Variants in VPS13B observed in about 807,000 individuals in gnomAD.
VPS13B encodes intermembrane lipid transfer protein VPS13B.
A neutral mutation model predicts 426.4 loss-of-function variants in VPS13B; 285 were observed. That is an observed-to-expected ratio of 0.67 (90% confidence interval 0.61 to 0.74). The LOEUF is 0.74. Among genes scored for constraint, VPS13B ranks in the 30% least tolerant of loss-of-function variants. The probability of loss-of-function intolerance (pLI) is 0.00; values close to 1 mark genes in which losing one functional copy is unlikely to be tolerated. For missense variants in VPS13B, 4,537 were observed against 4,782.6 expected (o/e 0.95, Z 1.51); for synonymous variants, 1,676 against 1,676.4 (o/e 1.00, Z 0.01).
At chr8:99,871,072 G>T (rs1588811302) in intron 60 of VPS13B, 185 bp downstream of exon 60, 2 of 677,208 alleles carry the variant, frequency 3.0e-6, no homozygotes, top group East Asian at 5.5e-5. Context: ...GCCAGGTTTG[G>T]GGCTGGCTGC....
At chr8:99,789,338 G>A (rs185203549) in intron 43 of VPS13B, among the ~76,000 whole-genome samples, 43 of 152,184 alleles carry the variant, frequency 2.8e-4, no homozygotes, top group African/African-American at 9.9e-4. Context: ...TTAAAAAGCC[G>A]ACTTGGGGGA....
At chr8:99,636,915 T>C (rs1281567183) in intron 33 of VPS13B, among the ~76,000 whole-genome samples, 2 of 152,062 alleles carry the variant, frequency 1.3e-5, no homozygotes, top group Admixed American at 1.3e-4. Flanking sequence ...TTTTTATGGC[T>C]TAATCATGAT....
chr8:99,386,959 A>G (rs1454178646), intron 20 of VPS13B, among the ~76,000 whole-genome samples: 1 of 152,144 alleles, frequency 6.6e-6, no homozygotes, highest in African/African-American at 2.4e-5. Flanking sequence ...AAAGGGCGAG[A>G]CCCCATCTCT....
chr8:99,429,383 A>C lies in VPS13B; in HGVS notation c.3083-2154A>C, dbSNP rs558814160. On this transcript the variant is annotated intron_variant, in intron 21 of 61. Coordinates refer to ENST00000357162, the MANE Select transcript of VPS13B (RefSeq NM_152564.5). The stretch of plus-strand genomic sequence containing the variant: ...TATTTCTTTGTTAGCAATGTTGAGC[A>C]TTTTAAAAATAAGTTACTAGCCAAA... Among the ~76,000 whole-genome samples the C allele has an allele frequency of 3.3e-5, 5 of 151,868 alleles. No individual in the cohort carries two copies. In the East Asian group the frequency reaches 9.7e-4, roughly 29 times the overall value.
In VPS13B at chr8:99,520,982, A is replaced by G; in HGVS notation, c.4717A>G (p.Arg1573Gly). Reference sequence around the variant, plus strand: ...TCCCCAGGCTGACAATCCCCTTGGCAGATCTGTCCTTAGGAAAGATATTTA... The same window carrying G: ...TCCCCAGGCTGACAATCCCCTTGGCGGATCTGTCCTTAGGAAAGATATTTA... The part of the protein sequence containing the change: ...MAPQADNPLG[R>G]SVLRKDIYQR... The change falls in exon 30 of 62, where the codon AGA becomes GGA. Residue 1573 changes from arginine (R) to glycine (G), a missense_variant. Around this residue, in one of 2 missense-constraint regions of VPS13B, gnomAD observed 4,311 missense variants for 4,474.3 expected, o/e 0.96. Coordinates refer to ENST00000357162, the MANE Select transcript of VPS13B (RefSeq NM_152564.5). 1 of 1,613,772 alleles carries G rather than the reference A, an allele frequency of 6.2e-7. No homozygotes were observed. Among genetic ancestry groups the G allele is most frequent in the Non-Finnish European group, 8.5e-7 (1 of 1,179,706 alleles).
chr8:99,817,628 G>C lies in VPS13B; in HGVS notation c.8186G>C (p.Gly2729Ala). 6.2e-7 allele frequency: 1 copy of C among 1,614,008 alleles called. No individual in the cohort carries two copies. Among genetic ancestry groups the C allele is most frequent in the Non-Finnish European group, 8.5e-7 (1 of 1,179,974 alleles). The part of the protein sequence containing the change: ...KVVQHYIGQD[G>A]QAVVREHFDC... ...GTTCAGCATTACATTGGTCAAGATG[G>C]ACAAGCTGTAGTTCGGGAACATTTT... Residue 2729 changes from glycine to alanine, a missense_variant, in exon 45 of 62, where the codon GGA becomes GCA. Around this residue, in one of 2 missense-constraint regions of VPS13B, gnomAD observed 4,311 missense variants for 4,474.3 expected, o/e 0.96. Transcript: ENST00000357162.
chr8:99,642,886 AGTTT>A, intron 34 of VPS13B, among the ~76,000 whole-genome samples: 1 of 152,234 alleles, frequency 6.6e-6, no homozygotes, highest in Admixed American at 6.6e-5. Context: ...TAGAAGATGA[AGTTT>A]GTTTTTGGTA....
At chr8:99,455,757 G>A (rs1818419949) in intron 23 of VPS13B, among the ~76,000 whole-genome samples, 1 of 152,136 alleles carries the variant, frequency 6.6e-6, no homozygotes, top group East Asian at 1.9e-4. Flanking sequence ...CTTTCACTTG[G>A]TGTAACATTT....
chr8:99,652,453 T>G (rs1334846230), intron 34 of VPS13B, among the ~76,000 whole-genome samples: 1 of 152,166 alleles, frequency 6.6e-6, no homozygotes, highest in African/African-American at 2.4e-5. Flanking sequence ...TTTAAGTGTT[T>G]TTTTAAAGTA....
intron 2 of VPS13B, among the ~76,000 whole-genome samples, chr8:99,032,855 G>A (rs756843715): frequency 6.6e-6 from 1 of 151,886 alleles, no homozygotes; most frequent in Non-Finnish European, 1.5e-5. Flanking sequence ...TATTTTCTTT[G>A]TGATTGCTTG....
rs868442250 is a variant in VPS13B, at chr8:99,777,522, C to T, written c.7429+566C>T. 7.9e-5 allele frequency among the ~76,000 whole-genome samples: 12 copies of T among 152,306 alleles called. No individual in the cohort carries two copies. In the Middle Eastern group the frequency reaches 0.014, roughly 173 times the overall value. ...AGACCTGCCCCACTGATTCGATTAT[C>T]TCCCACAACACGTGGGAATTCAAGA... On this transcript the variant is annotated intron_variant, in intron 41 of 61. Coordinates refer to ENST00000357162, the MANE Select transcript of VPS13B (RefSeq NM_152564.5).
intron 16 of VPS13B, among the ~76,000 whole-genome samples, chr8:99,177,825 A>G (rs568407539): frequency 1.3e-5 from 2 of 152,348 alleles, no homozygotes; most frequent in Admixed American, 6.5e-5. Context: ...TACATGACCT[A>G]TATCTATGTC....
chr8:99,743,060 T>G (rs1274853445), intron 39 of VPS13B, among the ~76,000 whole-genome samples: 6 of 152,202 alleles, frequency 3.9e-5, no homozygotes, highest in Non-Finnish European at 8.8e-5. Context: ...GCGACATGAT[T>G]GTATATCTAG....
intron 55 of VPS13B, among the ~76,000 whole-genome samples, chr8:99,849,366 T>C (rs1816144809): frequency 6.6e-6 from 1 of 152,076 alleles, no homozygotes; most frequent in Non-Finnish European, 1.5e-5. Context: ...TTTAAAAGAA[T>C]TCACATAATT....
At chr8:99,308,971 C>A (rs764938065) in intron 19 of VPS13B, among the ~76,000 whole-genome samples, 95 of 152,198 alleles carry the variant, frequency 6.2e-4, no homozygotes, top group African/African-American at 1.8e-3. Flanking sequence ...GGGCTGCATA[C>A]GTGTCTTCTT....
At chr8:99,062,620 C>A (rs1480889764) in intron 3 of VPS13B, among the ~76,000 whole-genome samples, 3 of 152,104 alleles carry the variant, frequency 2.0e-5, no homozygotes, top group African/African-American at 7.2e-5. Context: ...AGGCATGCGC[C>A]ACCACGCCTG....
chr8:99,772,206 CTT>C (rs765185137), intron 40 of VPS13B, among the ~76,000 whole-genome samples: 25 of 140,598 alleles, frequency 1.8e-4, no homozygotes, highest in East Asian at 2.0e-4. Context: ...ATTACTCTTC[CTT>C]TTTTTTTTTT....
chr8:99,628,524 G>C (rs1001675730), intron 33 of VPS13B, among the ~76,000 whole-genome samples: 1 of 152,070 alleles, frequency 6.6e-6, no homozygotes, highest in African/African-American at 2.4e-5. Context: ...GAAGCACCTA[G>C]TATGTGCCCA....
chr8:99,329,994 C>T (rs1810470217), intron 19 of VPS13B, among the ~76,000 whole-genome samples: 1 of 151,808 alleles, frequency 6.6e-6, no homozygotes, highest in Non-Finnish European at 1.5e-5. Context: ...TGCTATATTT[C>T]CTATGGGTGA....
Sources: allele counts gnomAD v4.1 joint callset (sites outside exome capture counted in the v4.1 genomes callset), GRCh38; gene constraint gnomAD v4.1.1; regional missense constraint gnomAD v4.1.1; transcripts MANE v1.5; gene names NCBI Gene and HGNC (gene_info 2026-07-23, HGNC 2026-07-21).